RUVBL1: variants seen among roughly 807,000 people sequenced by gnomAD.
The protein encoded by RUVBL1 is RuvB like AAA ATPase 1, also known as ruvB-like 1.
RUVBL1 carries 4 observed loss-of-function variants against 52.4 expected under a neutral mutation model. That is an observed-to-expected ratio of 0.08 (90% confidence interval 0.04 to 0.17). The LOEUF is 0.17. RUVBL1 is among the 10% of genes least tolerant of loss of function. The pLI is 1.00. For missense variants in RUVBL1, 298 were observed against 572.8 expected (o/e 0.52, Z 4.90); for synonymous variants, 217 against 214.4 (o/e 1.01, Z -0.10).
At chr3:128,083,449 G>A (rs557915890) in intron 9 of RUVBL1, 33 of 152,408 alleles carry the variant, frequency 2.2e-4, no homozygotes, top group African/African-American at 7.7e-4. Flanking sequence ...CCAGGAGGGA[G>A]GAGAGCCAGA....
intron 3 of RUVBL1, among the ~76,000 whole-genome samples, chr3:128,106,027 A>C (rs1484163076): frequency 6.6e-6 from 1 of 151,858 alleles, no homozygotes; most frequent in African/African-American, 2.4e-5. Context: ...GCACCACCAC[A>C]TCTGGCTAAT....
At chr3:128,107,006 AT>A (rs1197470197) in intron 3 of RUVBL1, among the ~76,000 whole-genome samples, 18 of 152,298 alleles carry the variant, frequency 1.2e-4, no homozygotes, top group African/African-American at 4.3e-4. Flanking sequence ...CTATGCATTT[AT>A]GTTCTGCACA....
In RUVBL1 at chr3:128,146,779, G is replaced by A. The variant is rs139512880; in HGVS notation, c.-40+6424C>T. Among the ~76,000 whole-genome samples, 78 of 152,138 alleles carry A rather than the reference G, an allele frequency of 5.1e-4. 1 individual carries two copies. The highest frequency in any genetic ancestry group is 1.0e-3 in the Non-Finnish European group (68 of 67,998). ...TACGTACATCTGTGTGTCTCTGTGC[G>A]TGTGCACGTGTGTCCATGTGTCTGT... On this transcript the variant is annotated intron_variant, in intron 1 of 9. Coordinates refer to the RUVBL1 transcript ENST00000464873.
At chr3:128,112,002 A>T (rs28698250) in intron 3 of RUVBL1, among the ~76,000 whole-genome samples, 13,593 of 152,292 alleles carry the variant, frequency 0.089, 776 homozygotes, top group Non-Finnish European at 0.12. Context: ...CTGAGAATAA[A>T]TCTAAATGTT....
chr3:128,107,669 A>G (rs1478890409), intron 3 of RUVBL1, among the ~76,000 whole-genome samples: 5 of 152,238 alleles, frequency 3.3e-5, no homozygotes, highest in Non-Finnish European at 5.9e-5. Flanking sequence ...GTTTTGGAAT[A>G]GCCCCAAAAG....
At chr3:128,076,109 C>G (rs1942313561), downstream of RUVBL1, 1 of 152,554 alleles carries the variant, frequency 6.6e-6, no homozygotes, top group African/African-American at 2.4e-5. The surrounding 1 kb of genome is among the most constrained non-coding windows in gnomAD (Gnocchi z 6.8). Context: ...GAGCCTCTCC[C>G]TCCCGATTCC....
chr3:128,094,835 C>A (rs1217770191), intron 8 of RUVBL1, among the ~76,000 whole-genome samples: 2 of 152,178 alleles, frequency 1.3e-5, no homozygotes, highest in Non-Finnish European at 2.9e-5. Flanking sequence ...GGGGTGGAGT[C>A]TGTGGGAAGC....
At chr3:128,074,842 C>CAAAAAAAAAAAAAAAA (rs386397876) in intron 9 of RUVBL1, among the ~76,000 whole-genome samples, 2 of 72,796 alleles carry the variant, frequency 2.7e-5, no homozygotes, top group Non-Finnish European at 5.5e-5. Context: ...AACTCCGTCT[C>CAAAAAAAAAAAAAAAA]AAAAAAAAAA....
In RUVBL1 at chr3:128,140,228, G is replaced by GTTTTTTT. The variant is rs372296453; in HGVS notation, c.-40+12974_-40+12975insAAAAAAA. On this transcript the variant is annotated intron_variant, in intron 1 of 9. Coordinates refer to the RUVBL1 transcript ENST00000464873. ...TGATATGATACAAGTTTTTTTGTTT[G>GTTTTTTT]TTTGTTTTTTTTTTTTTTGAGACGG... Among the ~76,000 whole-genome samples the GTTTTTTT allele has an allele frequency of 3.0e-4, 16 of 53,444 alleles. 4 individuals are homozygous for GTTTTTTT. Among genetic ancestry groups the GTTTTTTT allele is most frequent in the African/African-American group, 5.1e-4 (11 of 21,660 alleles). The allele number at this position is 53,444 out of a possible 152,430, so 35.1% of individuals were successfully genotyped here.
intron 6 of RUVBL1, 39 bp downstream of exon 6, chr3:128,100,556 G>A: frequency 2.6e-6 from 4 of 1,557,278 alleles, no homozygotes; most frequent in Non-Finnish European, 3.5e-6. Context: ...ACATACAAAA[G>A]GGCTAATGTG....
intron 1 of RUVBL1, among the ~76,000 whole-genome samples, chr3:128,143,697 G>A (rs1428014238): frequency 6.6e-6 from 1 of 152,192 alleles, no homozygotes; most frequent in Non-Finnish European, 1.5e-5. Context: ...AGGGTTGGCT[G>A]TGACTAGGCC....
chr3:128,087,811 G>A lies in RUVBL1; in HGVS notation c.1017-3C>T, dbSNP rs765937638. On this transcript the variant is annotated splice_polypyrimidine_tract_variant and splice_region_variant and intron_variant, in intron 8 of 10. Transcript: ENST00000322623. ...GGGATGTGATGTCCTCAGTGCCTCT[G>A]TAAGGGGCAAAATTAATCCCATCAC... The A allele has an allele frequency of 2.4e-5, 39 of 1,592,978 alleles. No homozygotes were observed. Among genetic ancestry groups the A allele is most frequent in the Non-Finnish European group, 1.7e-6 (2 of 1,165,116 alleles).
At position 128,123,635 on chromosome 3, in the gene RUVBL1, G is replaced by A; in HGVS notation, c.90C>T (p.Gly30=). 3.1e-6 allele frequency: 5 copies of A among 1,612,246 alleles called. No homozygotes were observed. The highest frequency in any genetic ancestry group is 2.5e-6 in the Non-Finnish European group (3 of 1,179,602). ...GCCCTGAGGCCGCCTGCTTGGCCAA[G>A]CCGCTCTCGTCCAGCCCCAGCCCTT... The part of the protein sequence containing the change: ...HVKGLGLDES[G]LAKQAASGLV... Residue 30 remains glycine (G), a synonymous_variant, in exon 1 of 11, where the codon GGC becomes GGT. Transcript: ENST00000322623.
intron 6 of RUVBL1, among the ~76,000 whole-genome samples, chr3:128,099,253 C>A (rs1245861264): frequency 2.0e-5 from 3 of 152,216 alleles, no homozygotes; most frequent in Non-Finnish European, 4.4e-5. Flanking sequence ...GCCCTGGACA[C>A]CCCCAAGCTT....
chr3:128,093,377 T>C (rs1942893331), intron 8 of RUVBL1, among the ~76,000 whole-genome samples: 1 of 152,268 alleles, frequency 6.6e-6, no homozygotes, highest in Middle Eastern at 3.4e-3. Flanking sequence ...TAGTTTCTTT[T>C]TGGGGTGATG....
Position 128,097,367 on chromosome 3 carries a change from G to C in RUVBL1, c.949C>G (p.Arg317Gly), listed in dbSNP as rs999326309. ...LDIECFTYLH[R>G]ALESSIAPIV... ...GGAGCGATAGAAGACTCCAGGGCGC[G>C]GTGCAGGTAGGTGAAGCACTCAATG... Residue 317 changes from arginine (R) to glycine (G), a missense_variant, in exon 8 of 11, where the codon CGC (arginine) becomes GGC (glycine). This residue lies in a region of RUVBL1 where 161 missense variants were observed against 298.3 expected (regional missense o/e 0.54). Coordinates refer to ENST00000322623, the MANE Select transcript of RUVBL1 (RefSeq NM_003707.3). The C allele has an allele frequency of 6.2e-7, 1 of 1,614,178 alleles. No homozygotes were observed. Among genetic ancestry groups the C allele is most frequent in the Non-Finnish European group, 8.5e-7 (1 of 1,180,026 alleles).
rs72986281 is a variant in RUVBL1 at position 128,121,086 on chromosome 3, T to G, written c.142-1672A>C. Among the ~76,000 whole-genome samples, 423 of 152,234 alleles carry G rather than the reference T, an allele frequency of 2.8e-3. 2 individuals are homozygous for G. The highest frequency in any genetic ancestry group is 9.6e-3 in the African/African-American group (399 of 41,556). On this transcript the variant is annotated intron_variant, in intron 1 of 10. Transcript: ENST00000322623. ...TGCCCTTAATAGAACCTAGAAGATA[T>G]TCTTCAGATGCTACTTTTCTTTTCT...
chr3:128,134,629 A>T (rs1028888735), intron 1 of RUVBL1, among the ~76,000 whole-genome samples: 90 of 137,674 alleles, frequency 6.5e-4, no homozygotes, highest in Non-Finnish European at 9.7e-4. Context: ...TCTACAAAAA[A>T]TAAAAATAAA....
exon 10 of RUVBL1, chr3:128,065,053 AC>A: frequency 6.2e-7 from 1 of 1,613,854 alleles, no homozygotes; most frequent in Non-Finnish European, 8.5e-7. Context: ...TCCAGATCCA[AC>A]CCCAGGGAGT....
Sources: gnomAD v4.1 joint callset for allele counts (sites outside exome capture counted in the v4.1 genomes callset) on GRCh38, gnomAD v4.1.1 for gene constraint, gnomAD v4.1.1 regional missense constraint, Gnocchi (gnomAD v3.1) non-coding constraint, MANE v1.5 for transcripts, NCBI Gene and HGNC (gene_info 2026-07-23, HGNC 2026-07-21) for gene names.